The following SETD1A variants were observed in gnomAD, a reference collection of about 807,000 sequenced individuals.
SETD1A encodes the protein SET domain containing 1A, histone lysine methyltransferase.
SETD1A carries 29 observed loss-of-function variants against 149.9 expected under a neutral mutation model. The observed-to-expected ratio is 0.19, with a 90% CI of 0.14 to 0.26. The LOEUF is 0.26. Among genes scored for constraint, SETD1A ranks in the 10% least tolerant of loss-of-function variants. SETD1A has a pLI of 1.00. For synonymous variants in SETD1A, 1,141 were observed against 968.5 expected, an observed-to-expected ratio of 1.18 and a Z score of -3.31; for missense variants, 2,109 against 2,353.1, an observed-to-expected ratio of 0.90 and a Z score of 2.15.
At position 30,966,002 on chromosome 16, in the gene SETD1A, C is replaced by G. The variant is rs758167758; in HGVS notation, c.2121C>G (p.Pro707=). 11 of 1,574,764 alleles carry G rather than the reference C, an allele frequency of 7.0e-6. No homozygotes were observed. Among genetic ancestry groups the G allele is most frequent in the South Asian group, 4.7e-5 (4 of 84,828 alleles). Residue 707 remains proline, a synonymous_variant, in exon 8 of 19, where the codon CCC becomes CCG. Transcript: ENST00000262519. ...TGATTGCCGCCTCAGCTGGCCCCCC[C>G]GGTGGGGCCTTTGGGGAGGCCTTCC... ...KGLIAASAGP[P]GGAFGEAFLP...
intron 13 of SETD1A, among the ~76,000 whole-genome samples, chr16:30,972,864 AAAG>A (rs1431587009): frequency 1.3e-5 from 2 of 152,014 alleles, no homozygotes; most frequent in Non-Finnish European, 2.9e-5. Context: ...AAAAAAAAAA[AAAG>A]AGAGAATACC....
rs1364131556 is a variant in SETD1A, at chr16:30,981,063, C to G, written c.4695C>G (p.Phe1565Leu). The change falls in exon 17 of 19, where the codon TTC becomes TTG. Residue 1565 changes from phenylalanine (F) to leucine (L), a missense_variant and splice_region_variant. Physicochemically the swap from Phe to Leu is conservative, Grantham distance 22. Transcript: ENST00000262519. The part of the protein sequence containing the change: ...SDLLKLNQLK[F>L]RKKKLRFGRS... The stretch of plus-strand genomic sequence containing the variant: ...TGAGTCTCCCTTCTGCCCCCCAGTT[C>G]CGGAAGAAGAAGCTCCGATTTGGCC... 6.2e-7 allele frequency: 1 copy of G among 1,614,132 alleles called. No individual in the cohort carries two copies. The highest frequency in any genetic ancestry group is 1.6e-4 in the Middle Eastern group (1 of 6,062).
In SETD1A at chr16:30,979,884, G is replaced by A. The variant is rs1414495645; in HGVS notation, c.4098G>A (p.Glu1366=). 3 of 1,534,064 alleles carry A rather than the reference G, an allele frequency of 2.0e-6. No homozygotes were observed. The South Asian group carries it at 3.6e-5, about 18-fold the overall frequency. The change falls in exon 14 of 19, where the codon GAG becomes GAA. Residue 1366 remains glutamate, a synonymous_variant. Transcript: ENST00000262519. ...GGGAGGAGGGCGAAGAGGAGGGGGA[G>A]GAAGAGGGGGAGGAAGAGGAGGAGG... ...QQREEGEEEG[E]EEGEEEEEES...
At chr16:30,958,924 C>A (rs201431140) in intron 2 of SETD1A, 43 bp downstream of exon 2, 1 of 1,609,246 alleles carries the variant, frequency 6.2e-7, no homozygotes, top group Non-Finnish European at 8.5e-7. Flanking sequence ...GAGCTCCAGG[C>A]GCCCGTCCTC....
rs749924352 is a variant in SETD1A, at chr16:30,979,859, G to A, written c.4073G>A (p.Arg1358Gln). The A allele has an allele frequency of 2.7e-5, 42 of 1,541,244 alleles. No homozygotes were observed. Among genetic ancestry groups the A allele is most frequent in the East Asian group, 1.4e-4 (6 of 41,660 alleles). ...AAGCCGCAGCAACTGCAGCAGCAGC[G>A]GGAGGAGGGCGAAGAGGAGGGGGAG... ...EPKPQQLQQQREEGEEEGEEE... is the reference protein window; with the variant it reads ...EPKPQQLQQQQEEGEEEGEEE... Residue 1358 changes from arginine (R) to glutamine (Q), a missense_variant, in exon 14 of 19, where the codon CGG becomes CAG. Physicochemically the swap from Arg to Gln is conservative, Grantham distance 43. Transcript: ENST00000262519.
Position 30,979,514 on chromosome 16 carries a change from A to G in SETD1A, c.3728A>G (p.Glu1243Gly), listed in dbSNP as rs1347456442. Residue 1243 changes from glutamate (E) to glycine (G), a missense_variant, in exon 14 of 19, where the codon GAG becomes GGG. Glu to Gly is a moderately conservative substitution (Grantham distance 98, BLOSUM62 -2). This residue lies in a region of SETD1A where 832 missense variants were observed against 815.6 expected (regional missense o/e 1.02). Transcript: ENST00000262519. Reference sequence around the variant, plus strand: ...GGCCGAGGCCGCCTCACCGAGGAAGAGGAGGCTGAGCCAGGGACAGAGGTG... The same window carrying G: ...GGCCGAGGCCGCCTCACCGAGGAAGGGGAGGCTGAGCCAGGGACAGAGGTG... ...AGGRGRLTEE[E>G]EAEPGTEVDL... 6.2e-7 allele frequency: 1 copy of G among 1,606,974 alleles called. No homozygotes were observed. The highest frequency in any genetic ancestry group is 8.5e-7 in the Non-Finnish European group (1 of 1,177,616).
intron 13 of SETD1A, among the ~76,000 whole-genome samples, chr16:30,976,430 G>T (rs141469685): frequency 6.6e-6 from 1 of 152,176 alleles, no homozygotes; most frequent in African/African-American, 2.4e-5. Context: ...TGGGGCCTGG[G>T]AGTGAGGGGA....
chr16:30,980,692 C>G lies in SETD1A; in HGVS notation c.4581+35C>G, dbSNP rs777235392. ...ACCCCGCCGCCGCGTCCTCCTGCCA[C>G]TCACTTCCCTGCCCTGCTCACCTCC... is the stretch of plus-strand genomic sequence containing the variant. On this transcript the variant is annotated intron_variant, in intron 15 of 18. Transcript: ENST00000262519. The surrounding 1 kb of genome is among the most constrained non-coding windows in gnomAD (Gnocchi z 7.7). The G allele has an allele frequency of 6.2e-7, 1 of 1,611,070 alleles. No homozygotes were observed. Among genetic ancestry groups the G allele is most frequent in the South Asian group, 1.1e-5 (1 of 90,896 alleles).
chr16:30,971,711 G>T lies in SETD1A; in HGVS notation c.3350G>T (p.Arg1117Met). The change falls in exon 13 of 19, where the codon AGG (arginine) becomes ATG (methionine). Residue 1117 changes from arginine (R) to methionine (M), a missense_variant. By Grantham distance (91) the Arg-to-Met change is moderately conservative. Transcript: ENST00000262519. ...CCCGAACAGGAGGCGTCTCCAGCAA[G>T]GCCTGCAGGTAGGTGCCACAGGGCT... ...PLPEQEASPA[R>M]PAGPTEESPP... is the part of the protein sequence containing the mutation. The T allele has an allele frequency of 6.4e-7, 1 of 1,565,552 alleles. No individual in the cohort carries two copies. Among genetic ancestry groups the T allele is most frequent in the South Asian group, 1.2e-5 (1 of 84,774 alleles).
chr16:30,976,746 G>C (rs1204044868), intron 13 of SETD1A, among the ~76,000 whole-genome samples: 1 of 152,088 alleles, frequency 6.6e-6, no homozygotes, highest in Non-Finnish European at 1.5e-5. Context: ...GATTGAAGGG[G>C]ATCACTGGAG....
chr16:30,958,592 G>T (rs2056000576), intron 1 of SETD1A, 125 bp from the exon 2 acceptor site: 4 of 775,072 alleles, frequency 5.2e-6, no homozygotes, highest in Admixed American at 2.5e-5. Context: ...GGAGCCCCGG[G>T]TCAGGGTGAG....
Position 30,961,507 on chromosome 16 carries a change from A to G in SETD1A, c.487A>G (p.Asn163Asp), listed in dbSNP as rs1297875299. Residue 163 changes from asparagine to aspartate, a missense_variant, in exon 4 of 19, where the codon AAC (asparagine) becomes GAC (aspartate). This residue lies in a region of SETD1A where 62 missense variants were observed against 149.5 expected (regional missense o/e 0.41). Transcript: ENST00000262519. This position sits in a 1 kb window ranked among gnomAD's most constrained non-coding sequence, Gnocchi z 4.0. ...KNLHLTSVMG[N>D]IIHAQLDIKG... Reference sequence around the variant, plus strand: ...CCTCCACCTTACCTCCGTCATGGGCAACATCATCCATGCCCAGCTTGACAT... The same window carrying G: ...CCTCCACCTTACCTCCGTCATGGGCGACATCATCCATGCCCAGCTTGACAT... 1 of 1,613,948 alleles carries G rather than the reference A, an allele frequency of 6.2e-7. No homozygotes were observed. Among genetic ancestry groups the G allele is most frequent in the Admixed American group, 1.7e-5 (1 of 59,982 alleles).
intron 8 of SETD1A, among the ~76,000 whole-genome samples, chr16:30,966,618 T>C (rs1183778036): frequency 3.9e-5 from 6 of 152,224 alleles, no homozygotes; most frequent in Non-Finnish European, 7.3e-5. Flanking sequence ...CTTGCTGGCT[T>C]GCAGTGGACA....
chr16:30,970,550 G>A (rs183683614), intron 12 of SETD1A, among the ~76,000 whole-genome samples: 1 of 152,272 alleles, frequency 6.6e-6, no homozygotes, highest in African/African-American at 2.4e-5. Context: ...TTTCACCTGT[G>A]AGCCACTGCA....
At chr16:30,963,766 G>T (rs1285566786) in intron 5 of SETD1A, among the ~76,000 whole-genome samples, 1 of 152,242 alleles carries the variant, frequency 6.6e-6, no homozygotes, top group Non-Finnish European at 1.5e-5. Context: ...GCCGAGGCGG[G>T]TGGATCATGA....
At position 30,966,000 on chromosome 16, in the gene SETD1A, C is replaced by G. The variant is rs757290473; in HGVS notation, c.2119C>G (p.Pro707Ala). 12 of 1,574,290 alleles carry G rather than the reference C, an allele frequency of 7.6e-6. No individual in the cohort carries two copies. Among genetic ancestry groups the G allele is most frequent in the African/African-American group, 2.7e-5 (2 of 73,808 alleles). Reference protein sequence around the residue: ...KGLIAASAGPPGGAFGEAFLP... With the variant: ...KGLIAASAGPAGGAFGEAFLP... The stretch of plus-strand genomic sequence containing the variant: ...ATTGATTGCCGCCTCAGCTGGCCCC[C>G]CCGGTGGGGCCTTTGGGGAGGCCTT... The change falls in exon 8 of 19, where the codon CCC becomes GCC. Residue 707 changes from proline (P) to alanine (A), a missense_variant. Pro to Ala is a conservative substitution (Grantham distance 27). Around this residue, in one of 8 missense-constraint regions of SETD1A, gnomAD observed 431 missense variants for 388.6 expected, o/e 1.11. Coordinates refer to ENST00000262519, the MANE Select transcript of SETD1A (RefSeq NM_014712.3).
chr16:30,964,319 A>G lies in SETD1A; in HGVS notation c.865A>G (p.Ser289Gly). ...CTACTCTCAGGACTCTGCCTACTCC[A>G]GCAGGTACAGAGCAGACCCCGCCTG... ...TPYSQDSAYS[S>G]STTSTSFKPR... Residue 289 changes from serine (S) to glycine (G), a missense_variant, in exon 6 of 19, where the codon AGC (serine) becomes GGC (glycine). Physicochemically the swap from Ser to Gly is moderately conservative, Grantham distance 56. Coordinates refer to ENST00000262519, the MANE Select transcript of SETD1A (RefSeq NM_014712.3). The G allele has an allele frequency of 6.2e-7, 1 of 1,612,856 alleles. No homozygotes were observed. The highest frequency in any genetic ancestry group is 8.5e-7 in the Non-Finnish European group (1 of 1,179,050).
intron 13 of SETD1A, among the ~76,000 whole-genome samples, chr16:30,974,761 CT>C (rs773459892): frequency 2.0e-5 from 3 of 152,076 alleles, no homozygotes; most frequent in Non-Finnish European, 4.4e-5. Flanking sequence ...AATCCCAGCA[CT>C]TTGGGAGGCT....
intron 6 of SETD1A, 51 bp from the exon 7 acceptor site, chr16:30,964,561 G>A (rs1279483768): frequency 3.2e-6 from 5 of 1,581,302 alleles, no homozygotes; most frequent in Non-Finnish European, 4.3e-6. Context: ...AGTACGCTGT[G>A]GTTTGGTCAT....
Sources: gnomAD v4.1 joint callset for allele counts (sites outside exome capture counted in the v4.1 genomes callset) on GRCh38, gnomAD v4.1.1 for gene constraint, gnomAD v4.1.1 regional missense constraint, Gnocchi (gnomAD v3.1) non-coding constraint, MANE v1.5 for transcripts, NCBI Gene and HGNC (gene_info 2026-07-23, HGNC 2026-07-21) for gene names.